Variants in CACNA1G observed in about 807,000 individuals in gnomAD.
CACNA1G encodes voltage-dependent T-type calcium channel subunit alpha-1G.
Under a neutral mutation model 219.4 loss-of-function variants are expected in CACNA1G, and 67 were observed. The ratio of observed to expected loss-of-function variants is 0.31; its 90% CI spans 0.25 to 0.37. The LOEUF is 0.37. Among genes scored for constraint, CACNA1G ranks in the 10% least tolerant of loss-of-function variants. The pLI is 1.00. For missense variants in CACNA1G, 2,380 were observed against 3,231.4 expected (o/e 0.74, Z 6.39); for synonymous variants, 1,296 against 1,345.3 (o/e 0.96, Z 0.80).
At chr17:50,592,622 C>T (rs1598385801) in intron 13 of CACNA1G, among the ~76,000 whole-genome samples, 1 of 152,208 alleles carries the variant, frequency 6.6e-6, no homozygotes, top group Non-Finnish European at 1.5e-5. Context: ...GCCCAGGCTC[C>T]ATCACCTTCG....
chr17:50,565,937 C>G (rs1726896205), intron 1 of CACNA1G, among the ~76,000 whole-genome samples: 1 of 152,170 alleles, frequency 6.6e-6, no homozygotes, highest in East Asian at 1.9e-4. Context: ...TCTCCTACCC[C>G]CTCTTTGGGA....
At chr17:50,572,200 A>T (rs1027840156) in intron 5 of CACNA1G, among the ~76,000 whole-genome samples, 163 bp downstream of exon 5, 1 of 152,176 alleles carries the variant, frequency 6.6e-6, no homozygotes, top group Non-Finnish European at 1.5e-5. Flanking sequence ...GGGGAGTTTT[A>T]AAAAGTACTG....
rs770754678 is a variant in CACNA1G, at chr17:50,624,425, G to A, written c.6295G>A (p.Ala2099Thr). Residue 2099 changes from alanine (A) to threonine (T), a missense_variant, in exon 37 of 38, where the codon GCA (alanine) becomes ACA (threonine). Physicochemically the swap from Ala to Thr is moderately conservative, Grantham distance 58. Around this residue, in one of 17 missense-constraint regions of CACNA1G, gnomAD observed 672 missense variants for 670.5 expected, o/e 1.00. Transcript: ENST00000359106. ...TSYILQLPKD[A>T]PHLLQPHSAP... Reference sequence around the variant, plus strand: ...CTACATCCTGCAGCTTCCCAAAGATGCACCTCATCTGCTCCAGCCCCACAG... The same window carrying A: ...CTACATCCTGCAGCTTCCCAAAGATACACCTCATCTGCTCCAGCCCCACAG... 5 of 1,585,342 alleles carry A rather than the reference G, an allele frequency of 3.2e-6. No homozygotes were observed. The highest frequency in any genetic ancestry group is 4.3e-6 in the Non-Finnish European group (5 of 1,165,532).
At chr17:50,572,431 T>G in intron 5 of CACNA1G, 123 bp from the exon 6 acceptor site, 5 of 796,832 alleles carry the variant, frequency 6.3e-6, no homozygotes, top group South Asian at 1.9e-5. Flanking sequence ...CCCTTCCCCA[T>G]TCTTGGTTCT....
intron 16 of CACNA1G, among the ~76,000 whole-genome samples, chr17:50,598,623 T>C (rs879424728): frequency 4.6e-5 from 7 of 152,372 alleles, no homozygotes; most frequent in Non-Finnish European, 1.0e-4. Context: ...TTGTTATCTT[T>C]CATCACTTTC....
At chr17:50,619,944 A>G in intron 34 of CACNA1G, 118 bp downstream of exon 34, 1 of 1,038,408 alleles carries the variant, frequency 9.6e-7, no homozygotes, top group Non-Finnish European at 1.3e-6. Flanking sequence ...TAGAAAGTGC[A>G]GCCTTGGAGC....
At chr17:50,601,305 CT>C in intron 19 of CACNA1G, 131 bp downstream of exon 19, 1 of 1,105,670 alleles carries the variant, frequency 9.0e-7, no homozygotes, top group Non-Finnish European at 1.3e-6. Flanking sequence ...CAGGACTCTC[CT>C]TTAGGTCTCT....
chr17:50,570,224 G>A (rs1017680685), intron 4 of CACNA1G, among the ~76,000 whole-genome samples: 3 of 152,168 alleles, frequency 2.0e-5, no homozygotes, highest in Non-Finnish European at 4.4e-5. Context: ...CGCTGAACGT[G>A]ACTTCTCTCA....
At chr17:50,615,030 G>A (rs897995851) in intron 26 of CACNA1G, among the ~76,000 whole-genome samples, 32 of 152,252 alleles carry the variant, frequency 2.1e-4, no homozygotes, top group Admixed American at 5.9e-4. Context: ...GCCTTGCTGC[G>A]GAACACTGAG....
At position 50,569,198 on chromosome 17, in the gene CACNA1G, G is replaced by A. The variant is rs752802222; in HGVS notation, c.388G>A (p.Val130Met). 49 of 1,613,776 alleles carry A rather than the reference G, an allele frequency of 3.0e-5. No individual in the cohort carries two copies. The highest frequency in any genetic ancestry group is 7.7e-5 in the South Asian group (7 of 91,082). ...TGACTTCATCTTTGCCTTCTTTGCCGTGGAGATGGTGGTGAAGATGGTGGC... is the reference window on the plus strand; with the variant it reads ...TGACTTCATCTTTGCCTTCTTTGCCATGGAGATGGTGGTGAAGATGGTGGC... ...FDDFIFAFFA[V>M]EMVVKMVALG... Residue 130 changes from valine (V) to methionine (M), a missense_variant, in exon 3 of 38, where the codon GTG becomes ATG. Around this residue, in one of 17 missense-constraint regions of CACNA1G, gnomAD observed 64 missense variants for 103.7 expected, o/e 0.62. Transcript: ENST00000359106.
intron 25 of CACNA1G, 86 bp downstream of exon 25, chr17:50,608,105 G>A (rs997897311): frequency 1.6e-6 from 2 of 1,257,164 alleles, no homozygotes; most frequent in Admixed American, 4.3e-5. Flanking sequence ...GCAGGGGGCT[G>A]GGCGCTGGGG....
At chr17:50,564,465 G>A (rs2037071884) in intron 1 of CACNA1G, among the ~76,000 whole-genome samples, 1 of 148,766 alleles carries the variant, frequency 6.7e-6, no homozygotes, top group Admixed American at 6.7e-5. Flanking sequence ...GAGGGGGAGT[G>A]GGAGGGGGGC....
At chr17:50,574,042 T>G (rs2040043162) in intron 7 of CACNA1G, among the ~76,000 whole-genome samples, 2 of 152,230 alleles carry the variant, frequency 1.3e-5, no homozygotes, top group African/African-American at 2.4e-5. Flanking sequence ...TGACGTATGC[T>G]GTAACATCTG....
In CACNA1G at chr17:50,561,669, G is replaced by A; in HGVS notation, c.210G>A (p.Pro70=). The change falls in exon 1 of 38, where the codon CCG becomes CCA. Residue 70 remains proline (P), a synonymous_variant. Transcript: ENST00000359106. ...VFFYLSQDSR[P]RSWCLRTVCN... ...TCTACTTGAGCCAGGACAGCCGCCC[G>A]CGGAGCTGGTGTCTCCGCACGGTCT... is the stretch of plus-strand genomic sequence containing the variant. 6.2e-7 allele frequency: 1 copy of A among 1,605,824 alleles called. No individual in the cohort carries two copies.
At position 50,617,758 on chromosome 17, in the gene CACNA1G, T is replaced by A; in HGVS notation, c.5156-101T>A. 1 of 1,456,590 alleles carries A rather than the reference T, an allele frequency of 6.9e-7. No homozygotes were observed. The highest frequency in any genetic ancestry group is 9.4e-7 in the Non-Finnish European group (1 of 1,059,644). 90.2% of individuals were successfully genotyped at this position (1,456,590 alleles called of 1,614,324 possible). A position where few individuals can be genotyped will look rare whatever the true frequency, so the allele number is the denominator to read the frequency against. On this transcript the variant is annotated intron_variant, in intron 29 of 37. Coordinates refer to ENST00000359106, the MANE Select transcript of CACNA1G (RefSeq NM_018896.5). This position sits in a 1 kb window ranked among gnomAD's most constrained non-coding sequence, Gnocchi z 5.8. The stretch of plus-strand genomic sequence containing the variant: ...GGATGCAACCTGGCTGGCCCGGAGA[T>A]GGCCATCCCAGCAGCCCCAGCCCAG...
At chr17:50,567,611 T>C (rs2038249594) in intron 1 of CACNA1G, among the ~76,000 whole-genome samples, 1 of 152,152 alleles carries the variant, frequency 6.6e-6, no homozygotes, top group Non-Finnish European at 1.5e-5. Context: ...TGCCAGGAGC[T>C]GCCACAATAC....
intron 7 of CACNA1G, among the ~76,000 whole-genome samples, chr17:50,574,967 A>G (rs1319678367): frequency 6.6e-6 from 1 of 152,116 alleles, no homozygotes; most frequent in Non-Finnish European, 1.5e-5. Flanking sequence ...GACAAGGCCA[A>G]TGGTCCCTGT....
intron 8 of CACNA1G, 76 bp downstream of exon 8, chr17:50,576,402 C>T: frequency 7.0e-7 from 1 of 1,420,654 alleles, no homozygotes; most frequent in South Asian, 1.2e-5. Flanking sequence ...ACTAGGGGGT[C>T]TGGAGTCAGA....
In CACNA1G at chr17:50,569,318, T is replaced by G. The variant is rs953895476; in HGVS notation, c.488+20T>G. 1 of 1,612,664 alleles carries G rather than the reference T, an allele frequency of 6.2e-7. No individual in the cohort carries two copies. Among genetic ancestry groups the G allele is most frequent in the Non-Finnish European group, 8.5e-7 (1 of 1,179,580 alleles). ...CGCAGGGTGAGGACCTGGGCTGGGG[T>G]GGGAGAGCAATGGATCAGATCGGTC... On this transcript the variant is annotated intron_variant, in intron 3 of 37. Transcript: ENST00000359106.
Sources: gnomAD v4.1 joint callset for allele counts (sites outside exome capture counted in the v4.1 genomes callset) on GRCh38, gnomAD v4.1.1 for gene constraint, gnomAD v4.1.1 regional missense constraint, Gnocchi (gnomAD v3.1) non-coding constraint, MANE v1.5 for transcripts, NCBI Gene and HGNC (gene_info 2026-07-23, HGNC 2026-07-21) for gene names.